The following IRS1 variants were observed in gnomAD, a reference collection of about 807,000 sequenced individuals.
IRS1 encodes insulin receptor substrate 1.
A neutral mutation model predicts 65.6 loss-of-function variants in IRS1; 34 were observed. The observed-to-expected ratio is 0.52, with a 90% CI of 0.39 to 0.69. IRS1 has a LOEUF of 0.69. Among genes scored for constraint, IRS1 ranks in the 30% least tolerant of loss-of-function variants. The pLI is 0.00. For synonymous variants in IRS1, 699 were observed against 683.5 expected (o/e 1.02, Z -0.35); for missense variants, 1,641 against 1,720.2 (o/e 0.95, Z 0.81).
At chr2:226,771,583 A>G (rs1429205804) in intron 1 of IRS1, among the ~76,000 whole-genome samples, 2 of 152,108 alleles carry the variant, frequency 1.3e-5, no homozygotes, top group Non-Finnish European at 2.9e-5. Flanking sequence ...TGTTGTATAT[A>G]TGTCTCTTGA....
chr2:226,746,278 A>T (rs1311129594), intron 1 of IRS1, among the ~76,000 whole-genome samples: 1 of 152,148 alleles, frequency 6.6e-6, no homozygotes, highest in Non-Finnish European at 1.5e-5. Context: ...GTTCTAAAGC[A>T]TGTTTATGAT....
intron 1 of IRS1, among the ~76,000 whole-genome samples, chr2:226,791,549 C>T (rs986765929): frequency 6.6e-6 from 1 of 152,154 alleles, no homozygotes; most frequent in Non-Finnish European, 1.5e-5. Context: ...AGTCGGCGGG[C>T]GCGGTGCAGA....
intron 1 of IRS1, among the ~76,000 whole-genome samples, chr2:226,771,608 T>C (rs533457088): frequency 3.9e-5 from 6 of 152,156 alleles, no homozygotes; most frequent in East Asian, 1.9e-4. Flanking sequence ...ATATAATACA[T>C]ATTTAAACAT....
chr2:226,739,458 T>G (rs1196894483), intron 1 of IRS1, among the ~76,000 whole-genome samples: 1 of 152,208 alleles, frequency 6.6e-6, no homozygotes, highest in Non-Finnish European at 1.5e-5. Context: ...TTTTGAATAG[T>G]CTCTATAGCA....
At chr2:226,757,540 C>T (rs561914794) in intron 1 of IRS1, among the ~76,000 whole-genome samples, 3 of 151,996 alleles carry the variant, frequency 2.0e-5, no homozygotes, top group Non-Finnish European at 2.9e-5. Context: ...TGCTTGAACC[C>T]GAAAGTGGAG....
intron 1 of IRS1, among the ~76,000 whole-genome samples, chr2:226,782,119 G>C (rs1252401436): frequency 2.0e-5 from 3 of 152,042 alleles, no homozygotes; most frequent in Non-Finnish European, 4.4e-5. Context: ...ATTGGGAAGG[G>C]GGGCAGAGGG....
rs566380529 is a variant in IRS1 at position 226,798,373 on chromosome 2, G to T, written c.366C>A (p.Asp122Glu). ...CTCCCGCCCCGAGGGCCGCAGCTCC[G>T]TCGTGGTGGCCCTTAGCACGGTTGT... ...QLHNRAKGHH[D>E]GAAALGAGGG... The change falls in exon 1 of 2, where the codon GAC becomes GAA. Residue 122 changes from aspartate (D) to glutamate (E), a missense_variant. Asp to Glu is a conservative substitution (Grantham distance 45, BLOSUM62 2). Around this residue, in one of 3 missense-constraint regions of IRS1, gnomAD observed 240 missense variants for 229.6 expected, o/e 1.05. Transcript: ENST00000305123. This position sits in a 1 kb window ranked among gnomAD's most constrained non-coding sequence, Gnocchi z 9.4. 1.2e-6 allele frequency: 2 copies of T among 1,613,854 alleles called. No individual in the cohort carries two copies. Among genetic ancestry groups the T allele is most frequent in the Admixed American group, 1.7e-5 (1 of 60,028 alleles).
rs922569110 is a variant in IRS1, at chr2:226,794,652, G to A, written c.*21+337C>T. 6.6e-6 allele frequency among the ~76,000 whole-genome samples: 1 copy of A among 152,212 alleles called. No individual in the cohort carries two copies. Among genetic ancestry groups the A allele is most frequent in the Non-Finnish European group, 1.5e-5 (1 of 68,038 alleles). On this transcript the variant is annotated intron_variant, in intron 1 of 1. Transcript: ENST00000305123. This position sits in a 1 kb window ranked among gnomAD's most constrained non-coding sequence, Gnocchi z 4.1. ...TTCCAGGGGCTGACCTAAATATATA[G>A]TGAAAAGAAAACTTCAACAAACAAA... is the stretch of plus-strand genomic sequence containing the variant.
chr2:226,751,565 G>A (rs890170676), intron 1 of IRS1, among the ~76,000 whole-genome samples: 9 of 152,078 alleles, frequency 5.9e-5, no homozygotes, highest in Admixed American at 4.6e-4. Flanking sequence ...TTACAGGCGT[G>A]AGCCACCGCG....
At chr2:226,766,845 C>T (rs555673511) in intron 1 of IRS1, among the ~76,000 whole-genome samples, 5 of 152,248 alleles carry the variant, frequency 3.3e-5, no homozygotes, top group South Asian at 4.1e-4. Context: ...TGGTAGGATT[C>T]GGTTTCATCA....
intron 1 of IRS1, among the ~76,000 whole-genome samples, chr2:226,738,439 T>C (rs1439600583): frequency 6.6e-6 from 1 of 152,224 alleles, no homozygotes; most frequent in African/African-American, 2.4e-5. Context: ...TTTCTATTTA[T>C]TTTTAAATAT....
rs1003871148 is a variant in IRS1, at chr2:226,784,014, C to G, written c.*21+10975G>C. Among the ~76,000 whole-genome samples, 5 of 151,928 alleles carry G rather than the reference C, an allele frequency of 3.3e-5. No homozygotes were observed. In the South Asian group the frequency reaches 1.0e-3, roughly 32 times the overall value. On this transcript the variant is annotated intron_variant, in intron 1 of 1. Coordinates refer to ENST00000305123, the MANE Select transcript of IRS1 (RefSeq NM_005544.3). ...CACTAGATATGTGAGGAAGAGCATC[C>G]TAGACAACTAGCCCCCAGTCAATCC...
chr2:226,791,626 G>T (rs1398028236), intron 1 of IRS1, among the ~76,000 whole-genome samples: 1 of 151,696 alleles, frequency 6.6e-6, no homozygotes, highest in Non-Finnish European at 1.5e-5. Flanking sequence ...GCAGAAAGCG[G>T]CCCAGGGACG....
intron 1 of IRS1, among the ~76,000 whole-genome samples, chr2:226,769,343 T>G (rs1178873708): frequency 6.6e-6 from 1 of 152,156 alleles, no homozygotes; most frequent in African/African-American, 2.4e-5. Flanking sequence ...GACACTGAAC[T>G]CAGGACAGTC....
chr2:226,786,285 T>C (rs959654038), intron 1 of IRS1, among the ~76,000 whole-genome samples: 6 of 152,076 alleles, frequency 3.9e-5, no homozygotes, highest in African/African-American at 9.7e-5. Context: ...GGTCAAATGG[T>C]ATTTGATCAC....
At chr2:226,769,614 C>G (rs1314494946) in intron 1 of IRS1, among the ~76,000 whole-genome samples, 1 of 152,192 alleles carries the variant, frequency 6.6e-6, no homozygotes, top group African/African-American at 2.4e-5. Context: ...ACTTGAAAAG[C>G]AACAACTTAT....
chr2:226,754,936 C>T (rs1166682496), intron 1 of IRS1, among the ~76,000 whole-genome samples: 1 of 152,122 alleles, frequency 6.6e-6, no homozygotes, highest in Non-Finnish European at 1.5e-5. Context: ...ATCTCATTTC[C>T]AGAAGAGTCT....
At chr2:226,751,960 C>T (rs1024114634) in intron 1 of IRS1, among the ~76,000 whole-genome samples, 5 of 152,066 alleles carry the variant, frequency 3.3e-5, no homozygotes, top group African/African-American at 1.2e-4. Flanking sequence ...ACAAAACTGC[C>T]AACTCAGATC....
chr2:226,777,461 G>A (rs928941687), intron 1 of IRS1, among the ~76,000 whole-genome samples: 1 of 152,152 alleles, frequency 6.6e-6, no homozygotes, highest in Admixed American at 6.5e-5. Context: ...ATTGTAAACT[G>A]TATTTGATGA....
Sources: gnomAD v4.1 joint callset for allele counts (sites outside exome capture counted in the v4.1 genomes callset) on GRCh38, gnomAD v4.1.1 for gene constraint, gnomAD v4.1.1 regional missense constraint, Gnocchi (gnomAD v3.1) non-coding constraint, MANE v1.5 for transcripts, NCBI Gene and HGNC (gene_info 2026-07-23, HGNC 2026-07-21) for gene names.